The following FNIP1 variants were observed in gnomAD, a reference collection of about 807,000 sequenced individuals.
The protein encoded by FNIP1 is folliculin interacting protein 1.
Under a neutral mutation model 124.5 loss-of-function variants are expected in FNIP1, and 40 were observed. That is an observed-to-expected ratio of 0.32 (90% CI 0.25 to 0.42). The LOEUF is 0.42. Among genes scored for constraint, FNIP1 ranks in the 10% least tolerant of loss-of-function variants. The pLI is 1.00. For missense variants in FNIP1, 1,176 were observed against 1,403.7 expected, an observed-to-expected ratio of 0.84 and a Z score of 2.59; for synonymous variants, 472 against 470.6, an observed-to-expected ratio of 1.00 and a Z score of -0.04.
At chr5:131,761,360 A>G (rs535209042) in intron 1 of FNIP1, among the ~76,000 whole-genome samples, 2 of 152,316 alleles carry the variant, frequency 1.3e-5, no homozygotes, top group South Asian at 4.1e-4. Context: ...ACATCATCTT[A>G]CGTTTGGAAA....
chr5:131,668,540 G>A (rs1411805907), intron 15 of FNIP1, among the ~76,000 whole-genome samples: 18 of 151,900 alleles, frequency 1.2e-4, no homozygotes, highest in Admixed American at 1.2e-3. Flanking sequence ...CAAAAATTAG[G>A]CAGGTGTGGT....
intron 15 of FNIP1, among the ~76,000 whole-genome samples, chr5:131,652,725 G>A (rs1206710004): frequency 6.6e-6 from 1 of 152,132 alleles, no homozygotes; most frequent in Non-Finnish European, 1.5e-5. Context: ...ACACTGGGAG[G>A]CTGAGGTGGG....
intron 1 of FNIP1, among the ~76,000 whole-genome samples, chr5:131,779,197 A>G (rs1205792251): frequency 6.6e-6 from 1 of 152,086 alleles, no homozygotes; most frequent in Non-Finnish European, 1.5e-5. Context: ...AAAATATGGA[A>G]CATTCTATAG....
At position 131,671,885 on chromosome 5, in the gene FNIP1, T is replaced by C. The variant is rs746678194; in HGVS notation, c.2559A>G (p.Pro853=). 10 of 1,614,188 alleles carry C rather than the reference T, an allele frequency of 6.2e-6. No individual in the cohort carries two copies. Among genetic ancestry groups the C allele is most frequent in the South Asian group, 5.5e-5 (5 of 91,086 alleles). Residue 853 remains proline, a synonymous_variant, in exon 14 of 18, where the codon CCA becomes CCG. Transcript: ENST00000510461. ...SIETRTIDDV[P]FKTSTDSKDH... Reference sequence around the variant, plus strand: ...CTTTACTATCTGTACTTGTTTTAAATGGAACATCATCAATAGTCCTGGTTT... The same window carrying C: ...CTTTACTATCTGTACTTGTTTTAAACGGAACATCATCAATAGTCCTGGTTT...
At position 131,646,425 on chromosome 5, in the gene FNIP1, T is replaced by C. The variant is rs144780650; in HGVS notation, c.3422+665A>G. On this transcript the variant is annotated intron_variant, in intron 17 of 17. Coordinates refer to ENST00000510461, the MANE Select transcript of FNIP1 (RefSeq NM_133372.3). ...GACATACAGTAGGTTCTCAGTGATA[T>C]TGGTTTCTTTTCCCATCATAAAAGC... is the stretch of plus-strand genomic sequence containing the variant. Among the ~76,000 whole-genome samples, 518 of 152,374 alleles carry C rather than the reference T, an allele frequency of 3.4e-3. 4 individuals carry two copies. Among genetic ancestry groups the C allele is most frequent in the African/African-American group, 0.012 (487 of 41,582 alleles).
chr5:131,782,560 G>A (rs1772029866), intron 1 of FNIP1, among the ~76,000 whole-genome samples: 1 of 143,244 alleles, frequency 7.0e-6, no homozygotes, highest in East Asian at 2.4e-4. Flanking sequence ...GCTAGACTCT[G>A]TCTCAATGAA....
At chr5:131,767,504 ATTTT>A (rs1330675161) in intron 1 of FNIP1, among the ~76,000 whole-genome samples, 2 of 150,922 alleles carry the variant, frequency 1.3e-5, no homozygotes, top group African/African-American at 4.9e-5. Context: ...ACAAGACATC[ATTTT>A]GTACCAGTTT....
chr5:131,730,127 A>G (rs992947715), intron 3 of FNIP1, among the ~76,000 whole-genome samples: 8 of 152,228 alleles, frequency 5.3e-5, no homozygotes, highest in Admixed American at 5.2e-4. Flanking sequence ...GCACAGGACT[A>G]TTATGGATTT....
At position 131,671,613 on chromosome 5, in the gene FNIP1, C is replaced by T; in HGVS notation, c.2831G>A (p.Gly944Glu). Residue 944 changes from glycine to glutamate, a missense_variant, in exon 14 of 18, where the codon GGG becomes GAG. Coordinates refer to ENST00000510461, the MANE Select transcript of FNIP1 (RefSeq NM_133372.3). ...PRNESSDSAL[G>E]DSESEDTGHD... Reference sequence around the variant, plus strand: ...ACCTGTATCTTCACTTTCACTATCCCCAAGGGCACTGTCTGAACTTTCATT... The same window carrying T: ...ACCTGTATCTTCACTTTCACTATCCTCAAGGGCACTGTCTGAACTTTCATT... The T allele has an allele frequency of 6.2e-7, 1 of 1,614,050 alleles. No homozygotes were observed. Among genetic ancestry groups the T allele is most frequent in the Non-Finnish European group, 8.5e-7 (1 of 1,180,012 alleles).
rs1193980192 is a variant in FNIP1, at chr5:131,671,361, CCTT to C, written c.2939+141_2939+143del. On this transcript the variant is annotated intron_variant, in intron 14 of 17. Transcript: ENST00000510461. ...GTGTTTCTGGAGCTTAGCCTTTACT[CCTT>C]CTTATGAGTTAAGAGAATATGAAAA... The C allele has an allele frequency of 1.8e-5, 13 of 704,326 alleles. No individual in the cohort carries two copies. In the Middle Eastern group the frequency reaches 7.8e-4, roughly 42 times the overall value. 43.6% of individuals were successfully genotyped at this position (704,326 alleles called of 1,614,324 possible). A position where few individuals can be genotyped will look rare whatever the true frequency, so the allele number is the denominator to read the frequency against.
In FNIP1 at chr5:131,652,181, G is replaced by C. The variant is rs184439606; in HGVS notation, c.3109-182C>G. On this transcript the variant is annotated intron_variant, in intron 15 of 17. Coordinates refer to ENST00000510461, the MANE Select transcript of FNIP1 (RefSeq NM_133372.3). ...AACAAATACCCTGAGACATATTATA[G>C]ATATCATCGTAGATTGAGACTTTGT... Among the ~76,000 whole-genome samples the C allele has an allele frequency of 3.9e-4, 59 of 152,244 alleles. 1 individual carries two copies. The highest frequency in any genetic ancestry group is 1.4e-3 in the African/African-American group (58 of 41,540).
At chr5:131,679,863 A>G (rs1380752492) in intron 11 of FNIP1, among the ~76,000 whole-genome samples, 1 of 152,256 alleles carries the variant, frequency 6.6e-6, no homozygotes, top group East Asian at 1.9e-4. Flanking sequence ...CATACTTTCA[A>G]GATGTTAATT....
chr5:131,745,145 A>C (rs909120337), intron 1 of FNIP1, among the ~76,000 whole-genome samples: 1 of 152,082 alleles, frequency 6.6e-6, no homozygotes, highest in African/African-American at 2.4e-5. Flanking sequence ...GACTTACAAG[A>C]CAAAAAACAA....
chr5:131,760,587 A>AT (rs991151793), intron 1 of FNIP1, among the ~76,000 whole-genome samples: 2 of 152,018 alleles, frequency 1.3e-5, no homozygotes, highest in African/African-American at 4.8e-5. Context: ...AAACATGAAG[A>AT]TTTTTTTAGT....
At position 131,796,824 on chromosome 5, in the gene FNIP1, C is replaced by A. The variant is rs941519299; in HGVS notation, c.92+6G>T. On this transcript the variant is annotated splice_donor_region_variant and intron_variant, in intron 1 of 17. Transcript: ENST00000510461. ...GCTCCGCGACCCCCGCCCCACAGCGCCCTACCTGAACCCGCAATCTGGGTC... is the reference window on the plus strand; with the variant it reads ...GCTCCGCGACCCCCGCCCCACAGCGACCTACCTGAACCCGCAATCTGGGTC... The A allele has an allele frequency of 2.5e-6, 4 of 1,576,030 alleles. No homozygotes were observed. The African/African-American group carries it at 5.4e-5, about 21-fold the overall frequency.
At position 131,643,602 on chromosome 5, in the gene FNIP1, A is replaced by C. The variant is rs1192320814; in HGVS notation, c.*1083T>G. 1.3e-5 allele frequency: 2 copies of C among 152,766 alleles called. No individual in the cohort carries two copies. The highest frequency in any genetic ancestry group is 2.9e-5 in the Non-Finnish European group (2 of 68,038). 9.5% of individuals were successfully genotyped at this position (152,766 alleles called of 1,614,324 possible). On this transcript the variant is annotated 3_prime_UTR_variant, in exon 18 of 18. Transcript: ENST00000510461. ...GTACAAAGGCAACAATTGAGAAGTG[A>C]AAATCTTTGAAAAAAATACACTTTT...
intron 15 of FNIP1, among the ~76,000 whole-genome samples, chr5:131,659,384 C>A (rs924620990): frequency 9.2e-5 from 14 of 152,208 alleles, no homozygotes; most frequent in Non-Finnish European, 1.9e-4. Flanking sequence ...GATGACCTGG[C>A]CATCGGACAG....
intron 6 of FNIP1, among the ~76,000 whole-genome samples, chr5:131,714,419 C>G (rs914357539): frequency 1.3e-5 from 2 of 152,064 alleles, no homozygotes; most frequent in Non-Finnish European, 2.9e-5. Flanking sequence ...TTTGGCAAAC[C>G]GTTAAAAAAA....
intron 15 of FNIP1, among the ~76,000 whole-genome samples, chr5:131,664,228 A>T (rs1441765553): frequency 6.6e-6 from 1 of 152,250 alleles, no homozygotes; most frequent in Admixed American, 6.5e-5. Flanking sequence ...CTACTGCTTA[A>T]CAGAAAATTA....
Sources: gnomAD v4.1 joint callset for allele counts (sites outside exome capture counted in the v4.1 genomes callset) on GRCh38, gnomAD v4.1.1 for gene constraint, MANE v1.5 for transcripts, NCBI Gene and HGNC (gene_info 2026-07-23, HGNC 2026-07-21) for gene names.